Variants in PDCL2 observed in about 807,000 individuals in gnomAD.
PDCL2 encodes the protein phosducin like 2, also known as phosducin-like protein 2.
PDCL2 carries 23 observed loss-of-function variants against 30.3 expected under a neutral mutation model. That is an observed-to-expected ratio of 0.76 (90% CI 0.55 to 1.08). The LOEUF (loss-of-function observed/expected upper bound fraction) is 1.08, where lower values mean the gene tolerates loss of function less well. Among genes scored for constraint, PDCL2 ranks in the 50% least tolerant of loss-of-function variants. The pLI is 0.00. For synonymous variants in PDCL2, 68 were observed against 86.2 expected (o/e 0.79, Z 1.17); for missense variants, 243 against 282.3 (o/e 0.86, Z 1.00).
chr4:55,590,732 G>A (rs1254397874), intron 1 of PDCL2, among the ~76,000 whole-genome samples: 1 of 151,876 alleles, frequency 6.6e-6, no homozygotes, highest in East Asian at 1.9e-4. Flanking sequence ...TGACCTCAAG[G>A]GATCTGCCTG....
chr4:55,586,247 T>C (rs572637399), intron 1 of PDCL2, among the ~76,000 whole-genome samples: 1 of 152,344 alleles, frequency 6.6e-6, no homozygotes, highest in South Asian at 2.1e-4. Flanking sequence ...TTGTTTAGTT[T>C]CCACATGTTT....
intron 4 of PDCL2, among the ~76,000 whole-genome samples, chr4:55,568,082 T>C (rs1025932689): frequency 2.0e-4 from 30 of 152,216 alleles, no homozygotes; most frequent in Non-Finnish European, 3.1e-4. Context: ...TACAGGGTTA[T>C]ATACAGGGCT....
At chr4:55,568,935 C>G (rs976173585) in intron 4 of PDCL2, among the ~76,000 whole-genome samples, 1 of 152,084 alleles carries the variant, frequency 6.6e-6, no homozygotes, top group Non-Finnish European at 1.5e-5. Context: ...ATAGTTTCAC[C>G]CATGTATTTA....
rs1007624569 is a variant in PDCL2, at chr4:55,591,964, C to T, written c.6+140G>A. Reference sequence around the variant, plus strand: ...TTTCTCAAAACTAGACAGAGAAGCACGCAAAATTTAGCACTTTCCAAGAAC... The same window carrying T: ...TTTCTCAAAACTAGACAGAGAAGCATGCAAAATTTAGCACTTTCCAAGAAC... On this transcript the variant is annotated intron_variant, in intron 1 of 5. Coordinates refer to ENST00000295645, the MANE Select transcript of PDCL2 (RefSeq NM_152401.3). The T allele has an allele frequency of 5.1e-6, 6 of 1,184,958 alleles. No individual in the cohort carries two copies. The African/African-American group carries it at 6.2e-5, about 12-fold the overall frequency. 73.4% of individuals were successfully genotyped at this position (1,184,958 alleles called of 1,614,324 possible). A position where few individuals can be genotyped will look rare whatever the true frequency, so the allele number is the denominator to read the frequency against.
chr4:55,563,998 C>T (rs1732199748), intron 4 of PDCL2, among the ~76,000 whole-genome samples: 1 of 152,198 alleles, frequency 6.6e-6, no homozygotes, highest in African/African-American at 2.4e-5. Context: ...CAGATTTTCT[C>T]TACAGTTGCA....
chr4:55,592,228 G>T lies in PDCL2; in HGVS notation c.-119C>A. Reference sequence around the variant, plus strand: ...CGCCCGCTTCAGGCCCGGCGGTTTCGAGTGACCGCCAGAAGAGGGAGAGGC... The same window carrying T: ...CGCCCGCTTCAGGCCCGGCGGTTTCTAGTGACCGCCAGAAGAGGGAGAGGC... On this transcript the variant is annotated 5_prime_UTR_variant, in exon 1 of 6. Coordinates refer to ENST00000295645, the MANE Select transcript of PDCL2 (RefSeq NM_152401.3). 6.9e-7 allele frequency: 1 copy of T among 1,445,372 alleles called. No individual in the cohort carries two copies. Among genetic ancestry groups the T allele is most frequent in the Non-Finnish European group, 9.4e-7 (1 of 1,061,364 alleles). 89.5% of individuals were successfully genotyped at this position (1,445,372 alleles called of 1,614,324 possible).
chr4:55,559,018 G>GA (rs1732055123), intron 5 of PDCL2, among the ~76,000 whole-genome samples: 1 of 152,064 alleles, frequency 6.6e-6, no homozygotes, highest in African/African-American at 2.4e-5. Flanking sequence ...CAATGCATAT[G>GA]AAAAAATCCA....
chr4:55,563,381 A>G (rs1396333496), intron 4 of PDCL2, among the ~76,000 whole-genome samples: 2 of 152,008 alleles, frequency 1.3e-5, no homozygotes, highest in Non-Finnish European at 2.9e-5. Context: ...TCCATTTTAC[A>G]TAAACATATT....
Position 55,569,867 on chromosome 4 carries a change from T to G in PDCL2, c.219-6A>C. On this transcript the variant is annotated splice_polypyrimidine_tract_variant and splice_region_variant and intron_variant, in intron 3 of 5. Transcript: ENST00000295645. Reference sequence around the variant, plus strand: ...ATTCCTGTAACCGCTTCTTTCTAATTAAAACATGAAATTAAATTACATAAG... The same window carrying G: ...ATTCCTGTAACCGCTTCTTTCTAATGAAAACATGAAATTAAATTACATAAG... The G allele has an allele frequency of 6.8e-7, 1 of 1,481,086 alleles. No individual in the cohort carries two copies. The highest frequency in any genetic ancestry group is 9.1e-7 in the Non-Finnish European group (1 of 1,094,404). 91.7% of individuals were successfully genotyped at this position (1,481,086 alleles called of 1,614,324 possible).
chr4:55,587,367 A>G (rs1732890279), intron 1 of PDCL2, among the ~76,000 whole-genome samples: 2 of 152,040 alleles, frequency 1.3e-5, no homozygotes, highest in South Asian at 4.1e-4. Flanking sequence ...CACATTGGAA[A>G]CAACTGAATT....
At chr4:55,580,977 T>G (rs907109938) in intron 2 of PDCL2, 66 bp from the exon 3 acceptor site, 2 of 1,166,096 alleles carry the variant, frequency 1.7e-6, no homozygotes, top group African/African-American at 5.6e-5. Flanking sequence ...AGTCAATGTC[T>G]AGAAAAAAAC....
intron 3 of PDCL2, among the ~76,000 whole-genome samples, chr4:55,574,518 A>G (rs1732511560): frequency 6.6e-6 from 1 of 152,220 alleles, no homozygotes; most frequent in African/African-American, 2.4e-5. Context: ...CCCCTAATGA[A>G]ACAGCCCAGG....
chr4:55,579,292 T>C (rs149309546), intron 3 of PDCL2, among the ~76,000 whole-genome samples: 1 of 152,288 alleles, frequency 6.6e-6, no homozygotes. Context: ...GAGCACTAAT[T>C]CCTGTTATTA....
At chr4:55,570,511 G>C (rs1732393567) in intron 3 of PDCL2, among the ~76,000 whole-genome samples, 1 of 152,118 alleles carries the variant, frequency 6.6e-6, no homozygotes, top group Admixed American at 6.6e-5. Context: ...GCATAAACTT[G>C]GGCAAGTTGT....
chr4:55,589,636 T>C (rs888340973), intron 1 of PDCL2, among the ~76,000 whole-genome samples: 2 of 152,200 alleles, frequency 1.3e-5, no homozygotes, highest in African/African-American at 4.8e-5. Context: ...GACCAAACCC[T>C]TTGGTTCCAC....
chr4:55,563,527 C>T (rs1461222233), intron 4 of PDCL2, among the ~76,000 whole-genome samples: 1 of 152,092 alleles, frequency 6.6e-6, no homozygotes, highest in African/African-American at 2.4e-5. Context: ...CTAAAAAATG[C>T]AAGGTTTTAG....
intron 3 of PDCL2, among the ~76,000 whole-genome samples, chr4:55,572,191 C>T (rs55876251): frequency 3.9e-5 from 6 of 152,128 alleles, no homozygotes; most frequent in African/African-American, 1.4e-4. Flanking sequence ...CGTTTTTCAC[C>T]TAACAAGCCT....
chr4:55,592,084 C>A lies in PDCL2; in HGVS notation c.6+20G>T, dbSNP rs769648519. 2.5e-6 allele frequency: 4 copies of A among 1,607,974 alleles called. No individual in the cohort carries two copies. Among genetic ancestry groups the A allele is most frequent in the Non-Finnish European group, 3.4e-6 (4 of 1,177,936 alleles). On this transcript the variant is annotated intron_variant, in intron 1 of 5. Transcript: ENST00000295645. ...ACCCACTGGGTGTTCCAGGGTGGCTCGGCAGGTCCCGACCCTCACCTGCAT... is the reference window on the plus strand; with the variant it reads ...ACCCACTGGGTGTTCCAGGGTGGCTAGGCAGGTCCCGACCCTCACCTGCAT...
intron 4 of PDCL2, among the ~76,000 whole-genome samples, chr4:55,563,920 T>A (rs747969581): frequency 6.6e-6 from 1 of 152,174 alleles, no homozygotes; most frequent in African/African-American, 2.4e-5. Flanking sequence ...AGGCATCAGA[T>A]TCTCAGTTAA....
Sources: gnomAD v4.1 joint callset for allele counts (sites outside exome capture counted in the v4.1 genomes callset) on GRCh38, gnomAD v4.1.1 for gene constraint, MANE v1.5 for transcripts, NCBI Gene and HGNC (gene_info 2026-07-23, HGNC 2026-07-21) for gene names.